The following ZNF738 variants were observed in gnomAD, a reference collection of about 807,000 sequenced individuals.
ZNF738 encodes the protein zinc finger protein 738.
A neutral mutation model predicts 9.2 loss-of-function variants in ZNF738; 10 were observed. The observed-to-expected ratio is 1.09, with a 90% CI of 0.67 to 1.85. The LOEUF is 1.85. Among genes scored for constraint, ZNF738 ranks in the 40% most tolerant of loss-of-function variants. ZNF738 has a pLI of 0.00. For missense variants in ZNF738, 346 were observed against 283.6 expected, an observed-to-expected ratio of 1.22 and a Z score of -1.58; for synonymous variants, 113 against 94.5, an observed-to-expected ratio of 1.20 and a Z score of -1.14.
At chr19:21,367,124 A>C (rs1973792426) in intron 2 of ZNF738, among the ~76,000 whole-genome samples, 2 of 152,168 alleles carry the variant, frequency 1.3e-5, no homozygotes, top group South Asian at 4.1e-4. Flanking sequence ...TCTTTCTATA[A>C]ACTGTTCCTG....
intron 2 of ZNF738, among the ~76,000 whole-genome samples, chr19:21,363,920 G>A (rs1001402320): frequency 1.4e-4 from 21 of 150,330 alleles, no homozygotes; most frequent in Non-Finnish European, 1.0e-4. Flanking sequence ...TCTAGAGCCC[G>A]GCATGGTGGC....
intron 1 of ZNF738, among the ~76,000 whole-genome samples, chr19:21,361,207 G>A (rs540564120): frequency 2.6e-5 from 4 of 151,938 alleles, no homozygotes; most frequent in Non-Finnish European, 2.9e-5. Flanking sequence ...GCATGGTCTC[G>A]GCTCACCGCA....
At chr19:21,373,672 G>A (rs546273006) in intron 2 of ZNF738, among the ~76,000 whole-genome samples, 10 of 152,224 alleles carry the variant, frequency 6.6e-5, no homozygotes, top group Non-Finnish European at 1.3e-4. Flanking sequence ...AGGTAAACAG[G>A]TGGTGCTGAC....
At chr19:21,374,361 A>G (rs1973898470) in intron 2 of ZNF738, among the ~76,000 whole-genome samples, 2 of 152,238 alleles carry the variant, frequency 1.3e-5, no homozygotes, top group South Asian at 4.1e-4. Flanking sequence ...AACTCTGCAT[A>G]AAACTGATTT....
intron 1 of ZNF738, among the ~76,000 whole-genome samples, chr19:21,361,349 A>T (rs1973688810): frequency 1.3e-5 from 2 of 151,588 alleles, no homozygotes; most frequent in South Asian, 4.2e-4. Flanking sequence ...TATGTTGGTC[A>T]GGCTGGTCTC....
chr19:21,371,119 C>T (rs1973850898), intron 2 of ZNF738, among the ~76,000 whole-genome samples: 2 of 152,202 alleles, frequency 1.3e-5, no homozygotes, highest in African/African-American at 4.8e-5. Context: ...ACAACTATAC[C>T]TACCGGTAAT....
intron 2 of ZNF738, among the ~76,000 whole-genome samples, chr19:21,362,642 A>G (rs1973715998): frequency 6.6e-6 from 1 of 152,190 alleles, no homozygotes; most frequent in Non-Finnish European, 1.5e-5. Context: ...GTTACATTAT[A>G]TTAGTAGGGC....
intron 4 of ZNF738, chr19:21,378,993 T>C (rs1201258669): frequency 6.6e-6 from 1 of 152,172 alleles, no homozygotes; most frequent in Non-Finnish European, 1.5e-5. Flanking sequence ...TATCTTTGTA[T>C]TCTAGTTTGT....
At chr19:21,361,012 C>T (rs1973682136) in intron 1 of ZNF738, among the ~76,000 whole-genome samples, 1 of 151,716 alleles carries the variant, frequency 6.6e-6, no homozygotes, top group Non-Finnish European at 1.5e-5. Flanking sequence ...TAGGGTTTCT[C>T]CATGTTGGTC....
intron 2 of ZNF738, among the ~76,000 whole-genome samples, chr19:21,364,332 G>A (rs1004828333): frequency 6.6e-6 from 1 of 151,978 alleles, no homozygotes; most frequent in Non-Finnish European, 1.5e-5. Context: ...AAGAATGGAG[G>A]AGAATGGCAA....
At position 21,386,547 on chromosome 19, in the gene ZNF738, T is replaced by C; in HGVS notation, c.*2873T>C. Reference sequence around the variant, plus strand: ...AAGCTTTTAACCAGTCCTACAAACCTTTTTGAACAAAATAATTCATACAGG... The same window carrying C: ...AAGCTTTTAACCAGTCCTACAAACCCTTTTGAACAAAATAATTCATACAGG... On this transcript the variant is annotated 3_prime_UTR_variant, in exon 5 of 5. Transcript: ENST00000683779. 2.8e-6 allele frequency: 1 copy of C among 357,150 alleles called. No individual in the cohort carries two copies. The highest frequency in any genetic ancestry group is 5.7e-6 in the Non-Finnish European group (1 of 174,740). 22.1% of individuals were successfully genotyped at this position (357,150 alleles called of 1,614,324 possible). A position where few individuals can be genotyped will look rare whatever the true frequency, so the allele number is the denominator to read the frequency against.
intron 2 of ZNF738, among the ~76,000 whole-genome samples, chr19:21,368,804 T>A (rs2057243172): frequency 6.6e-6 from 1 of 151,958 alleles, no homozygotes; most frequent in Non-Finnish European, 1.5e-5. Flanking sequence ...TGGTGTGATC[T>A]CTGCTTACTG....
chr19:21,371,543 T>C (rs1294549417), intron 2 of ZNF738, among the ~76,000 whole-genome samples: 1 of 152,214 alleles, frequency 6.6e-6, no homozygotes, highest in Non-Finnish European at 1.5e-5. Flanking sequence ...TCAAACAAAC[T>C]AATTGCTTCC....
intron 4 of ZNF738, chr19:21,379,409 A>G (rs760730635): frequency 1.3e-5 from 2 of 152,190 alleles, no homozygotes; most frequent in Non-Finnish European, 2.9e-5. Flanking sequence ...ATATTCTTAC[A>G]ATGTGTCTTG....
chr19:21,381,320 G>C, intron 4 of ZNF738: 1 of 1,566,966 alleles, frequency 6.4e-7, no homozygotes. Context: ...GTCCATTTCC[G>C]CTCCTAAAAC....
intron 2 of ZNF738, among the ~76,000 whole-genome samples, chr19:21,373,661 C>T (rs1172139638): frequency 6.6e-6 from 1 of 152,108 alleles, no homozygotes; most frequent in Non-Finnish European, 1.5e-5. Context: ...GTGAGACTAG[C>T]AGGTAAACAG....
At position 21,383,171 on chromosome 19, in the gene ZNF738, T is replaced by A; in HGVS notation, c.625T>A (p.Cys209Ser). 6.2e-7 allele frequency: 1 copy of A among 1,600,652 alleles called. No individual in the cohort carries two copies. The highest frequency in any genetic ancestry group is 8.6e-7 in the Non-Finnish European group (1 of 1,169,184). ...AAAGAAACCTTTCAAATGTAAAAAATGTGGCAAATCATTTTGCATGCTTTT... is the reference window on the plus strand; with the variant it reads ...AAAGAAACCTTTCAAATGTAAAAAAAGTGGCAAATCATTTTGCATGCTTTT... ...TGKKPFKCKK[C>S]GKSFCMLLHL... is the part of the protein sequence containing the mutation. Residue 209 changes from cysteine to serine, a missense_variant, in exon 5 of 5, where the codon TGT (cysteine) becomes AGT (serine). Cys to Ser is a moderately radical substitution (Grantham distance 112, BLOSUM62 -1). Transcript: ENST00000683779.
intron 2 of ZNF738, among the ~76,000 whole-genome samples, chr19:21,366,802 G>C (rs944926063): frequency 1.3e-5 from 2 of 152,154 alleles, no homozygotes; most frequent in African/African-American, 2.4e-5. Flanking sequence ...CATGGCACTG[G>C]TGGGAGGGTA....
In ZNF738 at chr19:21,385,539, T is replaced by G. The variant is rs1416382257; in HGVS notation, c.*1865T>G. 1.3e-5 allele frequency among the ~76,000 whole-genome samples: 2 copies of G among 152,050 alleles called. No homozygotes were observed. The highest frequency in any genetic ancestry group is 1.3e-4 in the Admixed American group (2 of 15,248). ...GCAAATGTGAAGAATGTGAGAAAGC[T>G]CTTAACCAGTCCTCACACCTTACTG... On this transcript the variant is annotated 3_prime_UTR_variant, in exon 5 of 5. Coordinates refer to ENST00000683779, the MANE Select transcript of ZNF738 (RefSeq NM_001355237.2).
Sources: allele counts gnomAD v4.1 joint callset (sites outside exome capture counted in the v4.1 genomes callset), GRCh38; gene constraint gnomAD v4.1.1; transcripts MANE v1.5; gene names NCBI Gene and HGNC (gene_info 2026-07-23, HGNC 2026-07-21).